The following ABTB3 variants were observed in gnomAD, a reference collection of about 807,000 sequenced individuals.
ABTB3 encodes the protein ankyrin repeat- and BTB/POZ domain-containing protein 3.
the ABTB3 span, among the ~76,000 whole-genome samples, chr12:107,425,138 C>T: frequency 6.6e-6 from 1 of 152,224 alleles, no homozygotes; most frequent in Admixed American, 6.5e-5. Flanking sequence ...CCGGCTTTAT[C>T]TCTCGACAGT....
At chr12:107,551,559 C>G in the ABTB3 span, among the ~76,000 whole-genome samples, 5 of 152,172 alleles carry the variant, frequency 3.3e-5, no homozygotes, top group Non-Finnish European at 7.4e-5. Flanking sequence ...ATAAATCTGG[C>G]CCACTGTCTG....
At chr12:107,610,141 C>T in the ABTB3 span, 3 of 1,609,802 alleles carry the variant, frequency 1.9e-6, no homozygotes, top group Non-Finnish European at 1.7e-6. Context: ...TGCTCCTGTG[C>T]CCCTCTGGGA....
At chr12:107,635,850 A>ACCCCCCCCCCCCCCCCCC in the ABTB3 span, among the ~76,000 whole-genome samples, 1 of 56,660 alleles carries the variant, frequency 1.8e-5, no homozygotes, top group Admixed American at 2.4e-4. Context: ...GGGAGGAACA[A>ACCCCCCCCCCCCCCCCCC]CCCCCCCCCC....
chr12:107,399,852 G>A, the ABTB3 span, among the ~76,000 whole-genome samples: 4 of 151,944 alleles, frequency 2.6e-5, no homozygotes, highest in African/African-American at 4.8e-5. Flanking sequence ...CCGACAGCCC[G>A]ACAGGCCCCA....
At chr12:107,433,151 G>A in the ABTB3 span, among the ~76,000 whole-genome samples, 4 of 151,440 alleles carry the variant, frequency 2.6e-5, no homozygotes, top group Admixed American at 6.6e-5. Context: ...TTAGCCGGGC[G>A]CGGTGGCGGG....
chr12:107,455,767 G>C, the ABTB3 span, among the ~76,000 whole-genome samples: 1 of 152,166 alleles, frequency 6.6e-6, no homozygotes. Context: ...GTTAGGGTCA[G>C]CTGGCTGCAG....
the ABTB3 span, among the ~76,000 whole-genome samples, chr12:107,399,473 G>A: frequency 1.3e-5 from 2 of 152,044 alleles, no homozygotes; most frequent in South Asian, 2.1e-4. Context: ...GCTGGGAGTG[G>A]AGAACACTTG....
the ABTB3 span, among the ~76,000 whole-genome samples, chr12:107,353,161 T>C: frequency 6.6e-6 from 1 of 152,168 alleles, no homozygotes; most frequent in African/African-American, 2.4e-5. Flanking sequence ...CTTTGGAGTT[T>C]CTGAACAGCA....
At chr12:107,601,683 T>C in the ABTB3 span, among the ~76,000 whole-genome samples, 3 of 152,186 alleles carry the variant, frequency 2.0e-5, 1 homozygote, top group Non-Finnish European at 4.4e-5. Flanking sequence ...TGTGTGACAA[T>C]GAGCAAGTTG....
chr12:107,328,851 G>T, the ABTB3 span, among the ~76,000 whole-genome samples: 3 of 152,208 alleles, frequency 2.0e-5, no homozygotes, highest in African/African-American at 7.2e-5. Flanking sequence ...CCTGAGGGGC[G>T]TGTGGGGTAG....
chr12:107,581,043 GA>G, the ABTB3 span: 1 of 1,550,264 alleles, frequency 6.5e-7, no homozygotes, highest in Admixed American at 2.0e-5. Context: ...GTGGGCTGGG[GA>G]GTCGGGAGAT....
chr12:107,469,992 CTTTCTTTCTT>C, the ABTB3 span, among the ~76,000 whole-genome samples: 15 of 96,590 alleles, frequency 1.6e-4, no homozygotes, highest in African/African-American at 7.3e-4. Flanking sequence ...TTCTTTCTTT[CTTTCTTTCTT>C]TCTTTCTTTC....
At chr12:107,395,793 A>G in the ABTB3 span, among the ~76,000 whole-genome samples, 1 of 152,178 alleles carries the variant, frequency 6.6e-6, no homozygotes, top group Non-Finnish European at 1.5e-5. Context: ...CTCTGTCCCT[A>G]AAGTTCCCAT....
chr12:107,603,889 G>T, the ABTB3 span, among the ~76,000 whole-genome samples: 1 of 152,222 alleles, frequency 6.6e-6, no homozygotes, highest in African/African-American at 2.4e-5. Flanking sequence ...ATGAGTGAGG[G>T]CCGGGCGTGG....
the ABTB3 span, among the ~76,000 whole-genome samples, chr12:107,397,855 G>T: frequency 1.3e-5 from 2 of 152,122 alleles, no homozygotes; most frequent in Non-Finnish European, 2.9e-5. Flanking sequence ...ACCTTTGTTT[G>T]AGTAGCCCAT....
At chr12:107,443,713 G>A in the ABTB3 span, among the ~76,000 whole-genome samples, 2 of 146,216 alleles carry the variant, frequency 1.4e-5, no homozygotes, top group African/African-American at 5.1e-5. Flanking sequence ...AGCATCTAAG[G>A]CCCACGTTCA....
chr12:107,514,215 G>C, the ABTB3 span, among the ~76,000 whole-genome samples: 1 of 152,182 alleles, frequency 6.6e-6, no homozygotes, highest in African/African-American at 2.4e-5. Flanking sequence ...TGTCCCTCTT[G>C]CTCTACCCCA....
At chr12:107,422,568 G>A in the ABTB3 span, among the ~76,000 whole-genome samples, 2 of 152,266 alleles carry the variant, frequency 1.3e-5, no homozygotes, top group Non-Finnish European at 2.9e-5. Context: ...TTGTTTAGGT[G>A]AGAGATCTTG....
At chr12:107,399,662 A>G in the ABTB3 span, among the ~76,000 whole-genome samples, 2 of 152,164 alleles carry the variant, frequency 1.3e-5, no homozygotes, top group African/African-American at 4.8e-5. Context: ...CATGCTTTAC[A>G]TATTTTTTAA....
Sources: gnomAD v4.1 joint callset for allele counts (sites outside exome capture counted in the v4.1 genomes callset) on GRCh38, gnomAD v4.1.1 for gene constraint, MANE v1.5 for transcripts, NCBI Gene and HGNC (gene_info 2026-07-23, HGNC 2026-07-21) for gene names.